Variants in XPO4 observed in about 807,000 individuals in gnomAD.
XPO4 encodes the protein exportin-4.
XPO4 carries 39 observed loss-of-function variants against 143.0 expected under a neutral mutation model. The observed-to-expected ratio is 0.27, with a 90% CI of 0.21 to 0.36. XPO4 has a LOEUF of 0.36. Among genes scored for constraint, XPO4 ranks in the 10% least tolerant of loss-of-function variants. The pLI is 1.00. For synonymous variants in XPO4, 439 were observed against 474.0 expected (o/e 0.93, Z 0.96); for missense variants, 907 against 1,348.0 (o/e 0.67, Z 5.12).
chr13:20,800,142 A>G lies in XPO4; in HGVS notation c.2147+14T>C, dbSNP rs1218511045. 1.2e-6 allele frequency: 2 copies of G among 1,613,790 alleles called. No homozygotes were observed. Among genetic ancestry groups the G allele is most frequent in the African/African-American group, 2.7e-5 (2 of 74,924 alleles). ...ACACATACACACACAGTCAGCCTCC[A>G]ACAATGGGCTAACCTTTCTCTTCTT... On this transcript the variant is annotated intron_variant, in intron 15 of 22. Transcript: ENST00000255305.
At chr13:20,879,147 G>T (rs2060382228) in intron 1 of XPO4, 1 of 985,280 alleles carries the variant, frequency 1.0e-6, no homozygotes, top group Non-Finnish European at 1.2e-6. Flanking sequence ...CTTCCATTTT[G>T]ACAGCTGCCT....
intron 19 of XPO4, 96 bp downstream of exon 19, chr13:20,790,366 A>G: frequency 4.1e-6 from 4 of 986,712 alleles, no homozygotes; most frequent in Non-Finnish European, 6.4e-6. Flanking sequence ...TAGCAGATAC[A>G]ACTACTAAAT....
At chr13:20,808,875 C>T (rs2059540623) in intron 11 of XPO4, among the ~76,000 whole-genome samples, 1 of 152,100 alleles carries the variant, frequency 6.6e-6, no homozygotes, top group South Asian at 2.1e-4. Context: ...CCATGTTTTC[C>T]ATAATCTCTC....
intron 6 of XPO4, among the ~76,000 whole-genome samples, chr13:20,838,990 G>A (rs1173177675): frequency 6.6e-6 from 1 of 152,202 alleles, no homozygotes; most frequent in Non-Finnish European, 1.5e-5. Context: ...AAGGATGGGT[G>A]CAGTGGATGA....
intron 7 of XPO4, among the ~76,000 whole-genome samples, chr13:20,823,721 A>C (rs899416717): frequency 1.3e-5 from 2 of 152,066 alleles, no homozygotes; most frequent in African/African-American, 4.8e-5. Flanking sequence ...GTGCAATCTC[A>C]GCTCATAGCA....
chr13:20,795,524 T>TA (rs767097675), intron 18 of XPO4, among the ~76,000 whole-genome samples: 3 of 152,160 alleles, frequency 2.0e-5, no homozygotes, highest in Non-Finnish European at 4.4e-5. Flanking sequence ...GGTGAGACAC[T>TA]AGGCTAGGTC....
chr13:20,808,991 G>T, intron 11 of XPO4, 92 bp downstream of exon 11: 1 of 1,354,386 alleles, frequency 7.4e-7, no homozygotes, highest in Non-Finnish European at 1.0e-6. Context: ...ACGGGGTGGG[G>T]GTGTTTAAAG....
In XPO4 at chr13:20,781,743, T is replaced by C. The variant is rs192964262; in HGVS notation, c.*1979A>G. Reference sequence around the variant, plus strand: ...GTCAATTGTGTGTTTCAGTGCCCTTTGGTAAAGAGACTGTACTTAGCACAC... The same window carrying C: ...GTCAATTGTGTGTTTCAGTGCCCTTCGGTAAAGAGACTGTACTTAGCACAC... On this transcript the variant is annotated 3_prime_UTR_variant, in exon 23 of 23. Coordinates refer to ENST00000255305, the MANE Select transcript of XPO4 (RefSeq NM_022459.5). 1 of 152,204 alleles carries C rather than the reference T, an allele frequency of 6.6e-6. No homozygotes were observed. The highest frequency in any genetic ancestry group is 2.4e-5 in the African/African-American group (1 of 41,442). The allele number at this position is 152,204 out of a possible 1,614,324, so 9.4% of individuals were successfully genotyped here. A position where few individuals can be genotyped will look rare whatever the true frequency, so the allele number is the denominator to read the frequency against.
intron 4 of XPO4, chr13:20,848,609 T>C: frequency 3.0e-6 from 3 of 985,356 alleles, no homozygotes; most frequent in Non-Finnish European, 3.6e-6. Context: ...TTCTGCAAAA[T>C]TAAAATTACT....
chr13:20,832,081 T>C (rs1443562123), intron 6 of XPO4, among the ~76,000 whole-genome samples: 1 of 152,094 alleles, frequency 6.6e-6, no homozygotes, highest in Non-Finnish European at 1.5e-5. Context: ...CTCACCAACT[T>C]CTGTGAAATC....
chr13:20,848,661 C>T, intron 4 of XPO4: 1 of 985,280 alleles, frequency 1.0e-6, no homozygotes, highest in Non-Finnish European at 1.2e-6. Context: ...ATAACTGAAG[C>T]TGTATCACTA....
At chr13:20,881,191 G>T (rs909390835) in intron 1 of XPO4, among the ~76,000 whole-genome samples, 1 of 152,102 alleles carries the variant, frequency 6.6e-6, no homozygotes, top group Non-Finnish European at 1.5e-5. Context: ...TTCCAGTTTG[G>T]AAAAGTTCTG....
chr13:20,831,189 A>C (rs1388520307), intron 6 of XPO4, among the ~76,000 whole-genome samples: 1 of 152,126 alleles, frequency 6.6e-6, no homozygotes, highest in Non-Finnish European at 1.5e-5. Context: ...AACCAGTACC[A>C]CCAGAATTCA....
chr13:20,896,585 G>A (rs1397095094), intron 1 of XPO4, among the ~76,000 whole-genome samples: 1 of 151,968 alleles, frequency 6.6e-6, no homozygotes, highest in African/African-American at 2.4e-5. Flanking sequence ...TCTTACATCT[G>A]GTCATCTTTC....
chr13:20,803,674 C>G lies in XPO4; in HGVS notation c.1818-2684G>C, dbSNP rs570644488. The stretch of plus-strand genomic sequence containing the variant: ...TATTTTTACTCCCACTTTATCAGCC[C>G]CACCCACAGCAACCTCCCTGCCTCT... On this transcript the variant is annotated intron_variant, in intron 13 of 22. Transcript: ENST00000255305. The surrounding 1 kb of genome is among the most constrained non-coding windows in gnomAD (Gnocchi z 4.1). 6.6e-6 allele frequency among the ~76,000 whole-genome samples: 1 copy of G among 152,076 alleles called. No individual in the cohort carries two copies. The highest frequency in any genetic ancestry group is 1.5e-5 in the Non-Finnish European group (1 of 68,022).
intron 4 of XPO4, chr13:20,849,592 C>G (rs2060063565): frequency 1.0e-6 from 1 of 985,322 alleles, no homozygotes; most frequent in Admixed American, 6.1e-5. Context: ...AACCACGTAA[C>G]CTTTATAATT....
At chr13:20,843,497 A>C (rs2585902) in intron 5 of XPO4, among the ~76,000 whole-genome samples, 44,082 of 152,038 alleles carry the variant, frequency 0.29, 8,066 homozygotes, top group East Asian at 0.8. Context: ...CAATTGAATT[A>C]GTTATATCTA....
At chr13:20,796,343 C>T (rs896828110) in intron 17 of XPO4, 87 bp from the exon 18 acceptor site, 30 of 936,272 alleles carry the variant, frequency 3.2e-5, no homozygotes, top group Admixed American at 7.1e-5. Context: ...AAATTAACTC[C>T]GAATTCCAAC....
At chr13:20,895,041 G>A (rs1213233038) in intron 1 of XPO4, among the ~76,000 whole-genome samples, 2 of 151,620 alleles carry the variant, frequency 1.3e-5, no homozygotes, top group Non-Finnish European at 2.9e-5. Flanking sequence ...AGCCAGGCAT[G>A]GTGGCGTGCA....
Sources: allele counts gnomAD v4.1 joint callset (sites outside exome capture counted in the v4.1 genomes callset), GRCh38; gene constraint gnomAD v4.1.1; non-coding constraint Gnocchi (gnomAD v3.1); transcripts MANE v1.5; gene names NCBI Gene and HGNC (gene_info 2026-07-23, HGNC 2026-07-21).